TTC23L: variants seen among roughly 807,000 people sequenced by gnomAD.
The protein encoded by TTC23L is tetratricopeptide repeat protein 23-like.
Under a neutral mutation model 48.1 loss-of-function variants are expected in TTC23L, and 42 were observed. That is an observed-to-expected ratio of 0.87 (90% CI 0.68 to 1.13). The LOEUF is 1.13. Among genes scored for constraint, TTC23L ranks in the 50% most tolerant of loss-of-function variants. TTC23L has a pLI of 0.00. For missense variants in TTC23L, 391 were observed against 421.0 expected (o/e 0.93, Z 0.62); for synonymous variants, 159 against 157.2 (o/e 1.01, Z -0.09).
At chr5:34,895,528 T>C (rs569799256) in intron 9 of TTC23L, among the ~76,000 whole-genome samples, 2 of 152,340 alleles carry the variant, frequency 1.3e-5, no homozygotes, top group East Asian at 3.9e-4. Context: ...GTTATTTTGA[T>C]ATACCTTTTG....
At chr5:34,851,998 G>T (rs1759711053) in intron 4 of TTC23L, among the ~76,000 whole-genome samples, 1 of 152,146 alleles carries the variant, frequency 6.6e-6, no homozygotes, top group African/African-American at 2.4e-5. Flanking sequence ...AGTGATATTT[G>T]TCCTGTCTTT....
At chr5:34,874,738 TAAATA>T (rs1030261271) in intron 8 of TTC23L, among the ~76,000 whole-genome samples, 40 of 150,382 alleles carry the variant, frequency 2.7e-4, no homozygotes, top group African/African-American at 9.8e-4. Flanking sequence ...AAAAAATAAA[TAAATA>T]AAATTTAAAA....
chr5:34,861,775 A>G (rs1002919402), intron 4 of TTC23L, among the ~76,000 whole-genome samples: 1 of 152,208 alleles, frequency 6.6e-6, no homozygotes, highest in Non-Finnish European at 1.5e-5. Flanking sequence ...AGTGAGGATT[A>G]GGGGCACAGT....
At chr5:34,860,978 C>T in intron 4 of TTC23L, 1 of 150,366 alleles carries the variant, frequency 6.7e-6, no homozygotes, top group Admixed American at 6.6e-5. Context: ...TATAGATGCC[C>T]TTTTTTTTTT....
chr5:34,908,876 A>G, the TTC23L span: 1 of 1,613,112 alleles, frequency 6.2e-7, no homozygotes, highest in African/African-American at 1.3e-5. Flanking sequence ...AGCCTCTGTT[A>G]TCTGTCCGAA....
the TTC23L span, chr5:34,923,200 T>C: frequency 6.2e-7 from 1 of 1,613,880 alleles, no homozygotes; most frequent in Non-Finnish European, 8.5e-7. Flanking sequence ...ACTTTCACCA[T>C]TTTGGATAAT....
chr5:34,860,019 AT>A (rs909885926), intron 4 of TTC23L, among the ~76,000 whole-genome samples: 22 of 147,530 alleles, frequency 1.5e-4, no homozygotes, highest in African/African-American at 3.2e-4. Context: ...AATTTTTTGT[AT>A]TTTTTTTTAG....
At chr5:34,902,463 G>T (rs1301726814), downstream of TTC23L, 3 of 314,942 alleles carry the variant, frequency 9.5e-6, no homozygotes, top group Non-Finnish European at 1.3e-5. Context: ...GTGTCTTTGG[G>T]GATCCAAGTG....
chr5:34,862,852 CT>C (rs764880021), intron 4 of TTC23L, 45 bp from the exon 5 acceptor site: 1 of 1,607,980 alleles, frequency 6.2e-7, no homozygotes, highest in South Asian at 1.1e-5. Flanking sequence ...TGAAGCATGC[CT>C]TTTTAATGTC....
chr5:34,891,314 G>A (rs1762854205), intron 9 of TTC23L, among the ~76,000 whole-genome samples: 3 of 152,094 alleles, frequency 2.0e-5, no homozygotes, highest in Admixed American at 2.0e-4. Flanking sequence ...ATGTGACCTT[G>A]GGCAAATGAC....
At chr5:34,909,940 T>G in the TTC23L span, among the ~76,000 whole-genome samples, 1 of 152,162 alleles carries the variant, frequency 6.6e-6, no homozygotes, top group Non-Finnish European at 1.5e-5. Flanking sequence ...TCCAGGTTGG[T>G]TTTCCCTAAG....
At chr5:34,924,864 TGCTCTTGTA>T in the TTC23L span, 2 of 1,605,664 alleles carry the variant, frequency 1.2e-6, no homozygotes, top group East Asian at 4.5e-5. Context: ...AAGAAGATGC[TGCTCTTGTA>T]GAAATAGGAC....
downstream of TTC23L, among the ~76,000 whole-genome samples, chr5:34,901,453 C>A (rs1035134808): frequency 6.6e-6 from 1 of 152,098 alleles, no homozygotes; most frequent in Non-Finnish European, 1.5e-5. Context: ...CAGAAAGGAC[C>A]ATTTTATTTT....
chr5:34,924,819 A>G, the TTC23L span: 1 of 1,558,560 alleles, frequency 6.4e-7, no homozygotes, highest in South Asian at 1.1e-5. Context: ...TAACCAAACC[A>G]AAATGAAATG....
chr5:34,840,636 C>G, intron 1 of TTC23L, 29 bp from the exon 2 acceptor site: 8 of 1,605,876 alleles, frequency 5.0e-6, no homozygotes, highest in Non-Finnish European at 6.8e-6. Flanking sequence ...CCTTTTCTCT[C>G]AAAGCTGACC....
chr5:34,874,755 G>A (rs1004368346), intron 8 of TTC23L, among the ~76,000 whole-genome samples: 1 of 151,478 alleles, frequency 6.6e-6, no homozygotes, highest in East Asian at 1.9e-4. Context: ...AATTTAAAAA[G>A]CAAAACCACA....
chr5:34,857,038 A>G (rs1193820661), intron 4 of TTC23L, among the ~76,000 whole-genome samples: 1 of 152,210 alleles, frequency 6.6e-6, no homozygotes, highest in Non-Finnish European at 1.5e-5. Flanking sequence ...TAATGGAGTA[A>G]TTGATGGAAT....
At chr5:34,901,443 C>T (rs991277716), downstream of TTC23L, among the ~76,000 whole-genome samples, 157 of 152,270 alleles carry the variant, frequency 1.0e-3, no homozygotes, top group Non-Finnish European at 4.6e-4. Flanking sequence ...TGTTCAAAGT[C>T]AGAAAGGACC....
chr5:34,877,213 A>G (rs1761911357), intron 8 of TTC23L, among the ~76,000 whole-genome samples: 1 of 152,222 alleles, frequency 6.6e-6, no homozygotes, highest in African/African-American at 2.4e-5. Flanking sequence ...GAAAAATCAC[A>G]TAATCATATC....
Sources: allele counts gnomAD v4.1 joint callset (sites outside exome capture counted in the v4.1 genomes callset), GRCh38; gene constraint gnomAD v4.1.1; transcripts MANE v1.5; gene names NCBI Gene and HGNC (gene_info 2026-07-23, HGNC 2026-07-21).